The following CUL2 variants were observed in gnomAD, a reference collection of about 807,000 sequenced individuals.
The protein encoded by CUL2 is cullin 2, also known as cullin-2.
Under a neutral mutation model 110.2 loss-of-function variants are expected in CUL2, and 22 were observed. The observed-to-expected ratio is 0.20, with a 90% confidence interval of 0.14 to 0.28. The LOEUF is 0.28. Among genes scored for constraint, CUL2 ranks in the 10% least tolerant of loss-of-function variants. CUL2 has a pLI of 1.00. For synonymous variants in CUL2, 279 were observed against 293.2 expected, an observed-to-expected ratio of 0.95 and a Z score of 0.49; for missense variants, 631 against 905.5, an observed-to-expected ratio of 0.70 and a Z score of 3.89.
intron 17 of CUL2, among the ~76,000 whole-genome samples, chr10:35,024,418 A>G (rs769637257): frequency 3.9e-5 from 6 of 152,224 alleles, no homozygotes; most frequent in Admixed American, 6.5e-5. Flanking sequence ...TTCTTGTACC[A>G]TCTCTAAGAA....
chr10:35,080,524 C>G (rs758877445), intron 1 of CUL2, among the ~76,000 whole-genome samples: 4 of 151,236 alleles, frequency 2.6e-5, no homozygotes, highest in Non-Finnish European at 4.4e-5. Flanking sequence ...GTGGTGTGAT[C>G]CTGGTTCACT....
At chr10:35,083,366 T>G (rs1431914112) in intron 1 of CUL2, among the ~76,000 whole-genome samples, 2 of 152,156 alleles carry the variant, frequency 1.3e-5, no homozygotes, top group Non-Finnish European at 2.9e-5. Flanking sequence ...GATGTTTGTG[T>G]ATGCATGGTT....
intron 2 of CUL2, 96 bp from the exon 3 acceptor site, chr10:35,063,158 C>A (rs2086426482): frequency 1.7e-5 from 12 of 712,572 alleles, no homozygotes; most frequent in Non-Finnish European, 1.9e-5. Context: ...AAAAACATTT[C>A]TTTTTGTGGT....
intron 16 of CUL2, among the ~76,000 whole-genome samples, chr10:35,027,391 G>A (rs1411634435): frequency 1.2e-4 from 18 of 152,092 alleles, no homozygotes; most frequent in Admixed American, 3.3e-4. Context: ...TGATCCGCCC[G>A]CCTCGGCCTC....
chr10:35,092,890 TTTC>T (rs1554870293), upstream of CUL2, among the ~76,000 whole-genome samples: 2 of 66,894 alleles, frequency 3.0e-5, no homozygotes, highest in Non-Finnish European at 1.1e-4. Context: ...TGTAGGCATA[TTTC>T]TATTAATATA....
At chr10:35,104,189 G>C (rs989226263) in intron 1 of CUL2, among the ~76,000 whole-genome samples, 1 of 152,226 alleles carries the variant, frequency 6.6e-6, no homozygotes, top group Admixed American at 6.5e-5. Context: ...GCTCACACCT[G>C]TAATCCCAGC....
At chr10:35,044,995 G>A (rs955917013) in intron 6 of CUL2, 127 bp from the exon 7 acceptor site, 15 of 605,364 alleles carry the variant, frequency 2.5e-5, no homozygotes, top group Non-Finnish European at 3.8e-5. Flanking sequence ...CTATAAAAAG[G>A]TACATGCATG....
intron 1 of CUL2, among the ~76,000 whole-genome samples, chr10:35,084,174 G>A (rs1414577213): frequency 6.6e-6 from 1 of 152,170 alleles, no homozygotes; most frequent in Non-Finnish European, 1.5e-5. Flanking sequence ...CTACTTGGGA[G>A]GCTGAGGCAG....
chr10:35,085,696 CA>C (rs1263412257), intron 1 of CUL2, among the ~76,000 whole-genome samples: 3,045 of 55,810 alleles, frequency 0.055, 47 homozygotes, highest in African/African-American at 0.15. Flanking sequence ...GACTCTGTCT[CA>C]AAAAAAAAAA....
At chr10:35,022,295 G>C (rs543527987) in intron 17 of CUL2, among the ~76,000 whole-genome samples, 1 of 152,200 alleles carries the variant, frequency 6.6e-6, no homozygotes, top group Non-Finnish European at 1.5e-5. Context: ...AATAACTCCA[G>C]CCACAGGTCT....
rs1157873336 is a variant in CUL2, at chr10:35,071,269, G to C, written c.49C>G (p.Leu17Val). 7 of 1,613,930 alleles carry C rather than the reference G, an allele frequency of 4.3e-6. No homozygotes were observed. Among genetic ancestry groups the C allele is most frequent in the Non-Finnish European group, 5.1e-6 (6 of 1,179,842 alleles). The change falls in exon 2 of 21, where the codon CTT becomes GTT. Residue 17 changes from leucine to valine, a missense_variant. Around this residue, in one of 3 missense-constraint regions of CUL2, gnomAD observed 338 missense variants for 442.5 expected, o/e 0.76. Coordinates refer to ENST00000374749, the MANE Select transcript of CUL2 (RefSeq NM_003591.4). Reference protein sequence around the residue: ...VVDFDETWNKLLTTIKAVVML... With the variant: ...VVDFDETWNKVLTTIKAVVML... ...ACCACGGCTTTTATTGTCGTCAAAAGTTTGTTCCATGTTTCATCAAAATCT... is the reference window on the plus strand; with the variant it reads ...ACCACGGCTTTTATTGTCGTCAAAACTTTGTTCCATGTTTCATCAAAATCT...
chr10:35,046,620 A>T (rs908388002), intron 6 of CUL2, among the ~76,000 whole-genome samples: 1 of 152,190 alleles, frequency 6.6e-6, no homozygotes, highest in Admixed American at 6.5e-5. Flanking sequence ...GGCCAGGCGC[A>T]GTGGCTCACA....
At chr10:35,121,311 C>T (rs1330921584) in intron 1 of CUL2, among the ~76,000 whole-genome samples, 3 of 152,114 alleles carry the variant, frequency 2.0e-5, no homozygotes, top group Non-Finnish European at 4.4e-5. Context: ...CACTGCAACC[C>T]CCGCCTCACA....
At chr10:35,090,802 T>C (rs754372041), upstream of CUL2, among the ~76,000 whole-genome samples, 1 of 152,222 alleles carries the variant, frequency 6.6e-6, no homozygotes, top group Non-Finnish European at 1.5e-5. Context: ...CACTACCCGT[T>C]AGTTCAGGGA....
intron 1 of CUL2, among the ~76,000 whole-genome samples, chr10:35,106,258 C>G (rs73260824): frequency 0.03 from 4,549 of 152,062 alleles, 222 homozygotes; most frequent in African/African-American, 0.1. Context: ...ACCAGACACA[C>G]CTTGATCTTG....
At chr10:35,029,349 G>A (rs1387959155) in intron 15 of CUL2, 139 bp downstream of exon 15, 3 of 586,776 alleles carry the variant, frequency 5.1e-6, no homozygotes, top group African/African-American at 2.0e-5. Flanking sequence ...AAGCCACCAC[G>A]CCCAGCCCAA....
chr10:35,104,525 A>T (rs2087428915), intron 1 of CUL2, among the ~76,000 whole-genome samples: 1 of 152,014 alleles, frequency 6.6e-6, no homozygotes, highest in Non-Finnish European at 1.5e-5. Context: ...GATTGCCTAG[A>T]ACCTTGGTGT....
At position 35,071,473 on chromosome 10, in the gene CUL2, T is replaced by C. The variant is rs563137987; in HGVS notation, c.-22-134A>G. ...AGGCTGGAGTGCAATGGCGTGATCTTGGCTCACTGCAAGCTCCGCCTCCCA... is the reference window on the plus strand; with the variant it reads ...AGGCTGGAGTGCAATGGCGTGATCTCGGCTCACTGCAAGCTCCGCCTCCCA... On this transcript the variant is annotated intron_variant, in intron 1 of 20. Coordinates refer to ENST00000374749, the MANE Select transcript of CUL2 (RefSeq NM_003591.4). 5.2e-4 allele frequency: 353 copies of C among 678,592 alleles called. 1 individual carries two copies. The highest frequency in any genetic ancestry group is 5.1e-3 in the African/African-American group (283 of 55,204). 42.0% of individuals were successfully genotyped at this position (678,592 alleles called of 1,614,324 possible).
intron 6 of CUL2, among the ~76,000 whole-genome samples, chr10:35,049,388 T>G (rs376908075): frequency 1.3e-5 from 2 of 150,864 alleles, no homozygotes; most frequent in African/African-American, 4.9e-5. Flanking sequence ...AGTCTAAGAG[T>G]TTTCAGCTCT....
Sources: allele counts gnomAD v4.1 joint callset (sites outside exome capture counted in the v4.1 genomes callset), GRCh38; gene constraint gnomAD v4.1.1; regional missense constraint gnomAD v4.1.1; transcripts MANE v1.5; gene names NCBI Gene and HGNC (gene_info 2026-07-23, HGNC 2026-07-21).